The following PHKB variants were observed in gnomAD, a reference collection of about 807,000 sequenced individuals.
PHKB encodes the protein phosphorylase b kinase regulatory subunit beta.
Under a neutral mutation model 152.1 loss-of-function variants are expected in PHKB, and 122 were observed. The ratio of observed to expected loss-of-function variants is 0.80; its 90% CI spans 0.69 to 0.93. The LOEUF is 0.93. Among genes scored for constraint, PHKB ranks in the 40% least tolerant of loss-of-function variants. PHKB has a pLI of 0.00. For missense variants in PHKB, 1,304 were observed against 1,328.4 expected, an observed-to-expected ratio of 0.98 and a Z score of 0.29; for synonymous variants, 436 against 464.9, an observed-to-expected ratio of 0.94 and a Z score of 0.80.
At chr16:47,645,174 T>C (rs986476146) in intron 16 of PHKB, among the ~76,000 whole-genome samples, 1 of 151,292 alleles carries the variant, frequency 6.6e-6, no homozygotes, top group African/African-American at 2.4e-5. Context: ...GCCTGTTCAC[T>C]CTGATGGTAG....
At position 47,661,709 on chromosome 16, in the gene PHKB, A is replaced by C. The variant is rs750018974; in HGVS notation, c.2197-10A>C. The C allele has an allele frequency of 1.2e-6, 2 of 1,600,270 alleles. No individual in the cohort carries two copies. Among genetic ancestry groups the C allele is most frequent in the South Asian group, 1.1e-5 (1 of 90,806 alleles). Reference sequence around the variant, plus strand: ...TCATTCCAGTTCCTCACCGTGATTTATATTTTCAGGATTGCAGTTGTCTGG... The same window carrying C: ...TCATTCCAGTTCCTCACCGTGATTTCTATTTTCAGGATTGCAGTTGTCTGG... On this transcript the variant is annotated splice_polypyrimidine_tract_variant and intron_variant, in intron 22 of 30. Coordinates refer to ENST00000323584, the MANE Select transcript of PHKB (RefSeq NM_000293.3).
intron 14 of PHKB, among the ~76,000 whole-genome samples, chr16:47,613,400 G>A (rs1972462156): frequency 6.6e-6 from 1 of 152,088 alleles, no homozygotes; most frequent in African/African-American, 2.4e-5. Flanking sequence ...GCTTCATTGT[G>A]TATAGTTTTT....
intron 25 of PHKB, among the ~76,000 whole-genome samples, chr16:47,667,238 C>T (rs1973554672): frequency 6.6e-6 from 1 of 151,902 alleles, no homozygotes; most frequent in African/African-American, 2.4e-5. Context: ...TCGAGACCAG[C>T]CTGAGCACAT....
chr16:47,651,363 CCT>C (rs1359455084), intron 20 of PHKB, among the ~76,000 whole-genome samples: 1 of 152,174 alleles, frequency 6.6e-6, no homozygotes, highest in Non-Finnish European at 1.5e-5. Flanking sequence ...GTCATAACAG[CCT>C]CTCTGTCCAC....
intron 6 of PHKB, among the ~76,000 whole-genome samples, chr16:47,541,154 A>G (rs1971050584): frequency 1.3e-5 from 2 of 151,850 alleles, no homozygotes; most frequent in East Asian, 3.9e-4. Flanking sequence ...CCATCACACC[A>G]CCACATGACA....
chr16:47,510,481 T>A (rs866551832), intron 4 of PHKB, among the ~76,000 whole-genome samples: 11 of 152,276 alleles, frequency 7.2e-5, no homozygotes, highest in African/African-American at 2.4e-4. Context: ...ACGACATTCT[T>A]TTTGCCCCTG....
At chr16:47,687,337 T>A (rs1377704759) in intron 26 of PHKB, among the ~76,000 whole-genome samples, 1 of 152,242 alleles carries the variant, frequency 6.6e-6, no homozygotes, top group Non-Finnish European at 1.5e-5. Flanking sequence ...AGCTTTAACG[T>A]CAAAGCATCC....
At chr16:47,563,736 G>C (rs1017652593) in intron 7 of PHKB, among the ~76,000 whole-genome samples, 1 of 151,970 alleles carries the variant, frequency 6.6e-6, no homozygotes, top group African/African-American at 2.4e-5. Flanking sequence ...AGGAAGTCTG[G>C]GCGTTAAGGG....
intron 10 of PHKB, among the ~76,000 whole-genome samples, chr16:47,592,826 A>G (rs1262683436): frequency 6.6e-6 from 1 of 152,174 alleles, no homozygotes; most frequent in Non-Finnish European, 1.5e-5. Flanking sequence ...TGAGCTTTTG[A>G]ATAATAAGAT....
chr16:47,524,333 G>A (rs1197831766), intron 6 of PHKB, among the ~76,000 whole-genome samples: 1 of 152,138 alleles, frequency 6.6e-6, no homozygotes, highest in Non-Finnish European at 1.5e-5. Context: ...CATTTTATAA[G>A]ATCCATTAAC....
At chr16:47,587,334 C>T (rs1335177368) in intron 8 of PHKB, among the ~76,000 whole-genome samples, 1 of 152,156 alleles carries the variant, frequency 6.6e-6, no homozygotes, top group Non-Finnish European at 1.5e-5. Context: ...TCTGCATTCT[C>T]ATTCTTTGTC....
At chr16:47,496,588 G>A (rs1396453238) in intron 1 of PHKB, among the ~76,000 whole-genome samples, 1 of 152,174 alleles carries the variant, frequency 6.6e-6, no homozygotes. Context: ...GTGACCTTGA[G>A]ATGTTTATAA....
At chr16:47,567,504 T>C (rs1407350836) in intron 7 of PHKB, among the ~76,000 whole-genome samples, 1 of 152,188 alleles carries the variant, frequency 6.6e-6, no homozygotes, top group African/African-American at 2.4e-5. Flanking sequence ...TGACTTCCTC[T>C]TTTTCAATTT....
intron 14 of PHKB, among the ~76,000 whole-genome samples, chr16:47,624,638 T>C (rs956364451): frequency 6.6e-6 from 1 of 152,122 alleles, no homozygotes. Flanking sequence ...TGATATTCAG[T>C]CTTTCCTCTA....
At chr16:47,503,358 G>A (rs1970356029) in intron 4 of PHKB, among the ~76,000 whole-genome samples, 1 of 152,154 alleles carries the variant, frequency 6.6e-6, no homozygotes, top group South Asian at 2.1e-4. Flanking sequence ...GCTTGATAAA[G>A]ACCCAGTTTC....
chr16:47,548,375 G>A (rs1442578466), intron 7 of PHKB, among the ~76,000 whole-genome samples: 6 of 152,142 alleles, frequency 3.9e-5, no homozygotes, highest in Non-Finnish European at 7.4e-5. Context: ...TTGGGAGGCC[G>A]AGGTGGGCAG....
chr16:47,495,833 C>T (rs140373310), intron 1 of PHKB, among the ~76,000 whole-genome samples: 18 of 152,236 alleles, frequency 1.2e-4, no homozygotes, highest in African/African-American at 2.2e-4. Flanking sequence ...TAGGTCTCTC[C>T]GTTCCTCACT....
chr16:47,566,140 G>A (rs753513322), intron 7 of PHKB: 64 of 647,434 alleles, frequency 9.9e-5, no homozygotes, highest in Non-Finnish European at 1.5e-4. Context: ...TCATCATAGC[G>A]ATCCCAGTCG....
chr16:47,606,112 C>T (rs1362457246), intron 13 of PHKB, among the ~76,000 whole-genome samples: 1 of 152,210 alleles, frequency 6.6e-6, no homozygotes, highest in Non-Finnish European at 1.5e-5. Context: ...GTGGCTCTGG[C>T]AGACTCTGCT....
Sources: gnomAD v4.1 joint callset for allele counts (sites outside exome capture counted in the v4.1 genomes callset) on GRCh38, gnomAD v4.1.1 for gene constraint, MANE v1.5 for transcripts, NCBI Gene and HGNC (gene_info 2026-07-23, HGNC 2026-07-21) for gene names.